Variants in ABTB3 observed in about 807,000 individuals in gnomAD.
ABTB3 encodes ankyrin repeat- and BTB/POZ domain-containing protein 3.
the ABTB3 span, among the ~76,000 whole-genome samples, chr12:107,612,288 A>AGG: frequency 6.6e-6 from 1 of 152,234 alleles, no homozygotes; most frequent in Non-Finnish European, 1.5e-5. Flanking sequence ...ATGTCAAACC[A>AGG]GATGTCAATG....
chr12:107,321,504 C>T, the ABTB3 span, among the ~76,000 whole-genome samples: 1 of 151,960 alleles, frequency 6.6e-6, no homozygotes, highest in African/African-American at 2.4e-5. Flanking sequence ...GAGGGGAATC[C>T]GCACTGATCT....
chr12:107,322,757 G>A, the ABTB3 span, among the ~76,000 whole-genome samples: 1 of 152,192 alleles, frequency 6.6e-6, no homozygotes, highest in Non-Finnish European at 1.5e-5. Context: ...GGGAACTTAA[G>A]TATCTTGCTT....
chr12:107,439,856 T>C, the ABTB3 span, among the ~76,000 whole-genome samples: 1 of 152,218 alleles, frequency 6.6e-6, no homozygotes, highest in Admixed American at 6.5e-5. Flanking sequence ...GGTTTTGTTT[T>C]GTTTTGTTGC....
chr12:107,482,985 TTTCCTTCCTTCCTTCCTTCC>T, the ABTB3 span, among the ~76,000 whole-genome samples: 4 of 21,176 alleles, frequency 1.9e-4, no homozygotes, highest in African/African-American at 2.9e-4. Context: ...TCTTTCTTTC[TTTCCTTCCTTCCTTCCTTCC>T]TTCTTTCCTT....
At chr12:107,340,685 C>G in the ABTB3 span, among the ~76,000 whole-genome samples, 1 of 151,930 alleles carries the variant, frequency 6.6e-6, no homozygotes, top group Non-Finnish European at 1.5e-5. Flanking sequence ...AAGTGGCCAC[C>G]CATCCTATTT....
At chr12:107,353,968 A>G in the ABTB3 span, among the ~76,000 whole-genome samples, 1 of 152,132 alleles carries the variant, frequency 6.6e-6, no homozygotes, top group Non-Finnish European at 1.5e-5. Flanking sequence ...TCACTGCTCT[A>G]GTAGACCAGT....
chr12:107,328,561 A>T, the ABTB3 span, among the ~76,000 whole-genome samples: 9 of 152,220 alleles, frequency 5.9e-5, no homozygotes, highest in African/African-American at 2.2e-4. Context: ...CACAGGGGGA[A>T]CTACCAGTTG....
the ABTB3 span, among the ~76,000 whole-genome samples, chr12:107,604,731 A>G: frequency 2.0e-5 from 3 of 152,226 alleles, no homozygotes; most frequent in Non-Finnish European, 4.4e-5. Flanking sequence ...TTAAAAATAG[A>G]ATTACTATAA....
chr12:107,390,195 A>T, the ABTB3 span, among the ~76,000 whole-genome samples: 2 of 152,214 alleles, frequency 1.3e-5, no homozygotes, highest in Admixed American at 1.3e-4. Flanking sequence ...CTCATAGGCA[A>T]TGAACCTATG....
chr12:107,352,518 T>C, the ABTB3 span, among the ~76,000 whole-genome samples: 1 of 152,054 alleles, frequency 6.6e-6, no homozygotes, highest in Non-Finnish European at 1.5e-5. Flanking sequence ...AGGGCTGTGC[T>C]AGCTGTTACC....
At chr12:107,347,468 T>A in the ABTB3 span, among the ~76,000 whole-genome samples, 1 of 144,284 alleles carries the variant, frequency 6.9e-6, no homozygotes, top group Non-Finnish European at 1.6e-5. Context: ...TCATCTGTGA[T>A]GCATGTGGCT....
the ABTB3 span, among the ~76,000 whole-genome samples, chr12:107,445,711 C>T: frequency 1.3e-5 from 2 of 152,082 alleles, no homozygotes; most frequent in East Asian, 1.9e-4. Context: ...GCCCTAAAAT[C>T]GAGGTGTCAG....
chr12:107,329,379 C>A, the ABTB3 span, among the ~76,000 whole-genome samples: 5 of 152,144 alleles, frequency 3.3e-5, no homozygotes, highest in Admixed American at 3.3e-4. Context: ...GTAGCGCTCC[C>A]TCATAAAGAA....
chr12:107,553,812 T>C, the ABTB3 span, among the ~76,000 whole-genome samples: 2 of 152,188 alleles, frequency 1.3e-5, no homozygotes, highest in African/African-American at 2.4e-5. Context: ...TCGTGGCACA[T>C]GCCTGTAGTC....
At chr12:107,442,658 G>A in the ABTB3 span, among the ~76,000 whole-genome samples, 1 of 152,076 alleles carries the variant, frequency 6.6e-6, no homozygotes, top group African/African-American at 2.4e-5. Context: ...CTTCTGAAAA[G>A]CTTAAAGCAT....
the ABTB3 span, among the ~76,000 whole-genome samples, chr12:107,321,000 G>A: frequency 5.3e-5 from 8 of 152,206 alleles, no homozygotes; most frequent in Non-Finnish European, 1.5e-5. Flanking sequence ...AGGGGGTGGG[G>A]CCGGGGCGCT....
the ABTB3 span, among the ~76,000 whole-genome samples, chr12:107,438,983 A>G: frequency 6.6e-6 from 1 of 152,172 alleles, no homozygotes; most frequent in South Asian, 2.1e-4. Flanking sequence ...GCAAATGGTA[A>G]TGTGTTCTGC....
chr12:107,614,015 G>T, the ABTB3 span, among the ~76,000 whole-genome samples: 1 of 152,070 alleles, frequency 6.6e-6, no homozygotes, highest in African/African-American at 2.4e-5. Context: ...GCAGACCCAC[G>T]CAAGGGGTCC....
the ABTB3 span, among the ~76,000 whole-genome samples, chr12:107,327,861 A>G: frequency 6.6e-6 from 1 of 152,212 alleles, no homozygotes; most frequent in South Asian, 2.1e-4. Flanking sequence ...TGTAGAGTCC[A>G]CCTGATGGCA....
Sources: allele counts gnomAD v4.1 joint callset (sites outside exome capture counted in the v4.1 genomes callset), GRCh38; gene constraint gnomAD v4.1.1; transcripts MANE v1.5; gene names NCBI Gene and HGNC (gene_info 2026-07-23, HGNC 2026-07-21).